Variants in ZNF320 observed in about 807,000 individuals in gnomAD.
ZNF320 encodes zinc finger protein 320.
In ZNF320, 2 loss-of-function variants were observed where a neutral mutation model predicts 6.8. The observed-to-expected ratio is 0.29, with a 90% CI of 0.12 to 0.93. The LOEUF (loss-of-function observed/expected upper bound fraction) is 0.93, where lower values mean the gene tolerates loss of function less well. ZNF320 is among the 40% of genes least tolerant of loss of function. ZNF320 has a pLI of 0.55. For missense variants in ZNF320, 472 were observed against 611.0 expected (o/e 0.77, Z 2.40); for synonymous variants, 208 against 203.2 (o/e 1.02, Z -0.20).
chr19:52,873,726 C>A (rs886800780), downstream of ZNF320, among the ~76,000 whole-genome samples: 1 of 152,152 alleles, frequency 6.6e-6, no homozygotes, highest in African/African-American at 2.4e-5. Context: ...TCACTGACAC[C>A]ATGGGGCCCA....
chr19:52,886,127 TTTTTTA>T (rs1185484903), intron 5 of ZNF320, among the ~76,000 whole-genome samples: 2 of 152,026 alleles, frequency 1.3e-5, no homozygotes, highest in African/African-American at 4.8e-5. Context: ...GTTATGGAAT[TTTTTTA>T]TTTTTATTTT....
At position 52,877,825 on chromosome 19, in the gene ZNF320, A is replaced by T. The variant is rs2063803458; in HGVS notation, c.*2771T>A. 6.6e-6 allele frequency: 1 copy of T among 152,056 alleles called. No homozygotes were observed. Among genetic ancestry groups the T allele is most frequent in the Admixed American group, 6.5e-5 (1 of 15,276 alleles). The allele number at this position is 152,056 out of a possible 1,614,324, so 9.4% of individuals were successfully genotyped here. ...TTATATAGATTTTTCCACAACAGTA[A>T]AGTCCAAGGGTCTGTCATGAACCGG... On this transcript the variant is annotated 3_prime_UTR_variant, in exon 6 of 6. Transcript: ENST00000682928.
upstream of ZNF320, among the ~76,000 whole-genome samples, chr19:52,901,029 C>A (rs2064569698): frequency 6.6e-6 from 1 of 151,816 alleles, no homozygotes; most frequent in South Asian, 2.1e-4. Context: ...TTTTGGGGAC[C>A]CCTCTTCTGT....
the ZNF320 span, among the ~76,000 whole-genome samples, chr19:52,903,854 A>C: frequency 0.011 from 1,609 of 152,328 alleles, 32 homozygotes; most frequent in African/African-American, 0.037. Flanking sequence ...AATTCAAGCC[A>C]AGTCAAAACC....
At chr19:52,865,006 C>T (rs1399506418) in intron 5 of ZNF320, among the ~76,000 whole-genome samples, 1 of 151,412 alleles carries the variant, frequency 6.6e-6, no homozygotes, top group Non-Finnish European at 1.5e-5. Context: ...GAGCGAGACT[C>T]CTTCTCAAAA....
intron 5 of ZNF320, among the ~76,000 whole-genome samples, chr19:52,867,140 C>G (rs1173892505): frequency 6.6e-6 from 1 of 151,960 alleles, no homozygotes; most frequent in Admixed American, 6.6e-5. Flanking sequence ...TCTGGATGTT[C>G]ATATTGGCCA....
At chr19:52,883,295 GGTGAT>G (rs1342052838) in intron 5 of ZNF320, among the ~76,000 whole-genome samples, 2 of 152,036 alleles carry the variant, frequency 1.3e-5, no homozygotes, top group Non-Finnish European at 2.9e-5. Flanking sequence ...CTCGAACTCT[GGTGAT>G]CCACACTTCT....
intron 5 of ZNF320, among the ~76,000 whole-genome samples, chr19:52,887,687 A>G (rs1457406962): frequency 6.6e-6 from 1 of 152,098 alleles, no homozygotes; most frequent in Non-Finnish European, 1.5e-5. Context: ...CCTGGGTTCA[A>G]GCAATTCTCT....
chr19:52,868,132 C>T (rs1022755910), intron 5 of ZNF320, among the ~76,000 whole-genome samples: 1 of 152,156 alleles, frequency 6.6e-6, no homozygotes, highest in African/African-American at 2.4e-5. Context: ...GCTGACAACT[C>T]TTATTACACA....
upstream of ZNF320, among the ~76,000 whole-genome samples, chr19:52,898,124 A>G (rs1420511757): frequency 6.6e-6 from 1 of 152,230 alleles, no homozygotes; most frequent in Admixed American, 6.5e-5. Context: ...AATGCGAAAT[A>G]CAAAGCTCTG....
downstream of ZNF320, among the ~76,000 whole-genome samples, chr19:52,859,588 A>T (rs891855808): frequency 3.3e-5 from 5 of 152,220 alleles, no homozygotes; most frequent in African/African-American, 1.2e-4. Flanking sequence ...CCATGTAGAG[A>T]TGTTAAGGTT....
chr19:52,884,628 A>G (rs142903486), intron 5 of ZNF320, among the ~76,000 whole-genome samples: 1 of 152,106 alleles, frequency 6.6e-6, no homozygotes, highest in East Asian at 1.9e-4. Flanking sequence ...CATTTTTGGC[A>G]TTTAGTACAT....
chr19:52,880,646 C>T lies in ZNF320; in HGVS notation c.1480G>A (p.Asp494Asn), dbSNP rs746589025. ...LAEHQKIPFG[D>N]NCFKCNEYSK... ...TACTCATTGCACTTGAAACAATTGTCTCCAAAAGGAATTTTCTGATGTTCT... is the reference window on the plus strand; with the variant it reads ...TACTCATTGCACTTGAAACAATTGTTTCCAAAAGGAATTTTCTGATGTTCT... The change falls in exon 6 of 6, where the codon GAC (aspartate) becomes AAC (asparagine). Residue 494 changes from aspartate to asparagine, a missense_variant. By Grantham distance (23) the Asp-to-Asn change is conservative. Around this residue, in one of 2 missense-constraint regions of ZNF320, gnomAD observed 462 missense variants for 559.7 expected, o/e 0.83. Coordinates refer to ENST00000682928, the MANE Select transcript of ZNF320 (RefSeq NM_001351774.2). 2.7e-5 allele frequency: 44 copies of T among 1,613,090 alleles called. 1 individual carries two copies. The South Asian group carries it at 4.6e-4, about 17-fold the overall frequency.
At chr19:52,889,702 A>G (rs2064225247) in intron 4 of ZNF320, among the ~76,000 whole-genome samples, 1 of 152,184 alleles carries the variant, frequency 6.6e-6, no homozygotes, top group African/African-American at 2.4e-5. Flanking sequence ...TCATTCTTGT[A>G]TCATTCATAT....
At chr19:52,859,929 T>C (rs2063477094), downstream of ZNF320, among the ~76,000 whole-genome samples, 1 of 151,266 alleles carries the variant, frequency 6.6e-6, no homozygotes, top group Non-Finnish European at 1.5e-5. Context: ...TTTTTTTTTT[T>C]TGAGACGGTG....
In ZNF320 at chr19:52,880,465, T is replaced by G; in HGVS notation, c.*131A>C. On this transcript the variant is annotated 3_prime_UTR_variant, in exon 6 of 6. Coordinates refer to ENST00000682928, the MANE Select transcript of ZNF320 (RefSeq NM_001351774.2). The stretch of plus-strand genomic sequence containing the variant: ...ACCTACCTGTCTTGGCCTCTCAAAG[T>G]GCTGGGATTACAGGTGTGAGACACC... The G allele has an allele frequency of 1.1e-6, 1 of 910,532 alleles. No homozygotes were observed. The highest frequency in any genetic ancestry group is 1.6e-6 in the Non-Finnish European group (1 of 617,044). The allele number at this position is 910,532 out of a possible 1,614,324, so 56.4% of individuals were successfully genotyped here.
intron 3 of ZNF320, among the ~76,000 whole-genome samples, chr19:52,890,876 C>T (rs1476969448): frequency 2.8e-5 from 4 of 144,868 alleles, no homozygotes; most frequent in East Asian, 4.1e-4. Flanking sequence ...TTGGGCCGGG[C>T]GCGGTGGCTC....
chr19:52,896,146 G>A (rs2064464518), intron 1 of ZNF320, among the ~76,000 whole-genome samples: 1 of 152,236 alleles, frequency 6.6e-6, no homozygotes, highest in African/African-American at 2.4e-5. Context: ...AGGCTGGAGT[G>A]CAGTGGCATG....
chr19:52,860,531 G>A (rs913634954), downstream of ZNF320, among the ~76,000 whole-genome samples: 12 of 149,132 alleles, frequency 8.0e-5, no homozygotes, highest in East Asian at 7.9e-4. Flanking sequence ...CTTGGGAGGC[G>A]GGGGTTGCAG....
Sources: allele counts gnomAD v4.1 joint callset (sites outside exome capture counted in the v4.1 genomes callset), GRCh38; gene constraint gnomAD v4.1.1; regional missense constraint gnomAD v4.1.1; transcripts MANE v1.5; gene names NCBI Gene and HGNC (gene_info 2026-07-23, HGNC 2026-07-21).